The following PACRGL variants were observed in gnomAD, a reference collection of about 807,000 sequenced individuals.
PACRGL encodes PACRG-like protein.
In PACRGL, 38 loss-of-function variants were observed where a neutral mutation model predicts 34.5. That is an observed-to-expected ratio of 1.10 (90% CI 0.85 to 1.44). The LOEUF is 1.44. Among genes scored for constraint, PACRGL ranks in the 40% most tolerant of loss-of-function variants. The pLI is 0.00. For missense variants in PACRGL, 305 were observed against 281.4 expected (o/e 1.08, Z -0.60); for synonymous variants, 128 against 100.1 (o/e 1.28, Z -1.66).
At position 20,741,460 on chromosome 4, in the gene PACRGL, T is replaced by C. The variant is rs192389151; in HGVS notation, c.*57-11105T>C. On this transcript the variant is annotated intron_variant, in intron 8 of 8. Coordinates refer to the PACRGL transcript ENST00000507634. ...ACTTGGAAACTGAACAACCTGCTCC[T>C]GAATGACCACTGGGTAGATAATGAA... is the stretch of plus-strand genomic sequence containing the variant. Among the ~76,000 whole-genome samples, 455 of 152,334 alleles carry C rather than the reference T, an allele frequency of 3.0e-3. 6 individuals are homozygous for C. The highest frequency in any genetic ancestry group is 0.011 in the African/African-American group (438 of 41,580).
At chr4:20,712,154 C>A (rs1403929348) in intron 5 of PACRGL, among the ~76,000 whole-genome samples, 1 of 151,840 alleles carries the variant, frequency 6.6e-6, no homozygotes, top group Non-Finnish European at 1.5e-5. Flanking sequence ...TTTCCTCCTT[C>A]CATTTCCTGC....
the PACRGL span, among the ~76,000 whole-genome samples, chr4:20,762,452 A>AT: frequency 1.3e-5 from 2 of 152,176 alleles, no homozygotes; most frequent in Non-Finnish European, 1.5e-5. Context: ...ATTCCCAGAG[A>AT]TTTTTTATTG....
At chr4:20,725,595 T>C (rs1745304165) in intron 8 of PACRGL, among the ~76,000 whole-genome samples, 1 of 152,166 alleles carries the variant, frequency 6.6e-6, no homozygotes, top group South Asian at 2.1e-4. Flanking sequence ...ATCTTAATGA[T>C]AGAATTGCAT....
At chr4:20,714,111 C>G (rs1480430201) in intron 7 of PACRGL, among the ~76,000 whole-genome samples, 1 of 151,982 alleles carries the variant, frequency 6.6e-6, no homozygotes, top group Non-Finnish European at 1.5e-5. Context: ...TAAAGTCTCC[C>G]ATTATTATTG....
downstream of PACRGL, among the ~76,000 whole-genome samples, chr4:20,735,518 G>GTTTTTT (rs754949562): frequency 6.9e-5 from 9 of 130,806 alleles, no homozygotes; most frequent in African/African-American, 2.0e-4. Context: ...TTCATTTAGT[G>GTTTTTT]TTTTTTTTTT....
intron 3 of PACRGL, among the ~76,000 whole-genome samples, chr4:20,705,060 A>G (rs1560292292): frequency 6.6e-6 from 1 of 152,166 alleles, no homozygotes; most frequent in Non-Finnish European, 1.5e-5. Context: ...AGAAAATTGC[A>G]CTTTAGCTTT....
downstream of PACRGL, among the ~76,000 whole-genome samples, chr4:20,736,702 T>TA (rs1749715079): frequency 6.6e-6 from 1 of 152,222 alleles, no homozygotes; most frequent in South Asian, 2.1e-4. Context: ...GCATGATACT[T>TA]ACTTTTATCA....
chr4:20,707,887 T>C lies in PACRGL; in HGVS notation c.275+17T>C, dbSNP rs765956844. 6.4e-7 allele frequency: 1 copy of C among 1,573,678 alleles called. No homozygotes were observed. On this transcript the variant is annotated intron_variant, in intron 4 of 8. Transcript: ENST00000503585. ...TCCTTGCAGGTAAAATCAATATGAT[T>C]TATAACTGACCAAATTATTCAAAAT...
At chr4:20,751,353 A>G (rs1753589838) in intron 8 of PACRGL, among the ~76,000 whole-genome samples, 1 of 152,192 alleles carries the variant, frequency 6.6e-6, no homozygotes, top group African/African-American at 2.4e-5. Flanking sequence ...CAGGAGTTTA[A>G]TTACCATAAA....
At position 20,730,042 on chromosome 4, in the gene PACRGL, GTTCACATTTGTCT is replaced by G. The variant is rs1560397020; in HGVS notation, c.*2702_*2714del. 1 of 1,591,396 alleles carries G rather than the reference GTTCACATTTGTCT, an allele frequency of 6.3e-7. No homozygotes were observed. On this transcript the variant is annotated 3_prime_UTR_variant, in exon 9 of 9. Coordinates refer to ENST00000503585, the MANE Select transcript of PACRGL (RefSeq NM_001258345.3). ...CTCCAACTTTAAGGGTGGTAGAATA[GTTCACATTTGTCT>G]GTTGGATTCAGGATCTATTTGACAA... is the stretch of plus-strand genomic sequence containing the variant.
chr4:20,736,042 G>C (rs2149280407), downstream of PACRGL, among the ~76,000 whole-genome samples: 1 of 152,078 alleles, frequency 6.6e-6, no homozygotes, highest in Non-Finnish European at 1.5e-5. Flanking sequence ...TTTTAAATAA[G>C]TAACATCCAT....
intron 1 of PACRGL, chr4:20,701,832 C>T: frequency 6.6e-6 from 3 of 456,564 alleles, no homozygotes; most frequent in South Asian, 4.6e-5. Flanking sequence ...TGGGTCAAAT[C>T]TATAGATGTG....
At chr4:20,705,995 A>G (rs1560295055) in intron 3 of PACRGL, among the ~76,000 whole-genome samples, 2 of 151,062 alleles carry the variant, frequency 1.3e-5, no homozygotes, top group Non-Finnish European at 1.5e-5. Flanking sequence ...ATGCACATTA[A>G]TATTTTAAAT....
chr4:20,721,480 T>C (rs1409870282), intron 7 of PACRGL, among the ~76,000 whole-genome samples: 1 of 152,182 alleles, frequency 6.6e-6, no homozygotes, highest in African/African-American at 2.4e-5. Flanking sequence ...TCTTTGATGA[T>C]GGTGACGTAC....
chr4:20,718,489 T>G (rs1741271159), intron 7 of PACRGL, among the ~76,000 whole-genome samples: 1 of 152,182 alleles, frequency 6.6e-6, no homozygotes, highest in South Asian at 2.1e-4. Context: ...GCTCTTATTA[T>G]TTTGAGATAC....
intron 7 of PACRGL, among the ~76,000 whole-genome samples, chr4:20,722,983 T>A (rs576635463): frequency 6.6e-6 from 1 of 152,168 alleles, no homozygotes. Context: ...TTTAACTTCC[T>A]ATTCCACAAC....
chr4:20,703,477 AGTGTGTGTGTGTGT>A (rs34932810), intron 1 of PACRGL, among the ~76,000 whole-genome samples: 7 of 141,462 alleles, frequency 4.9e-5, no homozygotes, highest in African/African-American at 1.3e-4. Flanking sequence ...TGGGTATATG[AGTGTGTGTGTGTGT>A]GTGTGTGTGT....
chr4:20,705,242 C>G (rs1734000361), intron 3 of PACRGL, among the ~76,000 whole-genome samples: 5 of 152,108 alleles, frequency 3.3e-5, no homozygotes, highest in Admixed American at 2.6e-4. Context: ...CTCCTTTGCC[C>G]TCTCCTAACA....
chr4:20,751,869 G>A (rs1753698237), intron 8 of PACRGL, among the ~76,000 whole-genome samples: 1 of 152,016 alleles, frequency 6.6e-6, no homozygotes, highest in Non-Finnish European at 1.5e-5. Context: ...AGTTACAGCG[G>A]CTTCCCAGTC....
Sources: allele counts gnomAD v4.1 joint callset (sites outside exome capture counted in the v4.1 genomes callset), GRCh38; gene constraint gnomAD v4.1.1; transcripts MANE v1.5; gene names NCBI Gene and HGNC (gene_info 2026-07-23, HGNC 2026-07-21).